The following GRM3 variants were observed in gnomAD, a reference collection of about 807,000 sequenced individuals.
GRM3 encodes glutamate metabotropic receptor 3, also known as metabotropic glutamate receptor 3.
Under a neutral mutation model 70.5 loss-of-function variants are expected in GRM3, and 26 were observed. The observed-to-expected ratio is 0.37, with a 90% CI of 0.27 to 0.51. GRM3 has a LOEUF of 0.51. Ranked by LOEUF, GRM3 falls within the 20% of genes least tolerant of loss-of-function variation. The pLI is 0.93. For missense variants in GRM3, 859 were observed against 1,123.8 expected, an observed-to-expected ratio of 0.76 and a Z score of 3.37; for synonymous variants, 443 against 434.9, an observed-to-expected ratio of 1.02 and a Z score of -0.23.
intron 3 of GRM3, among the ~76,000 whole-genome samples, chr7:86,815,242 C>T (rs1410639217): frequency 6.6e-6 from 1 of 151,706 alleles, no homozygotes; most frequent in East Asian, 1.9e-4. Flanking sequence ...CTTGCCTTCA[C>T]ATTAGGAAAA....
chr7:86,690,429 A>C (rs1018836332), intron 1 of GRM3, among the ~76,000 whole-genome samples: 2 of 152,162 alleles, frequency 1.3e-5, no homozygotes, highest in Non-Finnish European at 2.9e-5. Flanking sequence ...CTGGTTGTTA[A>C]ATAAAGAGTG....
chr7:86,810,946 A>G (rs1797897086), intron 3 of GRM3, among the ~76,000 whole-genome samples: 1 of 151,992 alleles, frequency 6.6e-6, no homozygotes, highest in Non-Finnish European at 1.5e-5. Flanking sequence ...CTACTTCATC[A>G]AAATTTCATC....
chr7:86,765,726 A>G, intron 2 of GRM3, 113 bp downstream of exon 2: 1 of 823,342 alleles, frequency 1.2e-6, no homozygotes, highest in Non-Finnish European at 1.8e-6. Context: ...TCAACAATGC[A>G]ATTATTAATT....
At chr7:86,730,631 C>A (rs78754092) in intron 1 of GRM3, among the ~76,000 whole-genome samples, 2 of 152,146 alleles carry the variant, frequency 1.3e-5, no homozygotes, top group Non-Finnish European at 2.9e-5. Flanking sequence ...AAAATAATTA[C>A]GTAACAATTA....
At chr7:86,813,487 G>A (rs534751797) in intron 3 of GRM3, among the ~76,000 whole-genome samples, 2 of 151,938 alleles carry the variant, frequency 1.3e-5, no homozygotes, top group African/African-American at 4.8e-5. Context: ...AACAGCAGTT[G>A]AATTTTTAAT....
chr7:86,692,195 C>T (rs560590770), intron 1 of GRM3, among the ~76,000 whole-genome samples: 1 of 152,278 alleles, frequency 6.6e-6, no homozygotes, highest in East Asian at 1.9e-4. Flanking sequence ...ATACTTTGGG[C>T]TTGTTTCCAA....
chr7:86,696,078 C>T (rs1332738459), intron 1 of GRM3, among the ~76,000 whole-genome samples: 1 of 152,152 alleles, frequency 6.6e-6, no homozygotes, highest in Non-Finnish European at 1.5e-5. Context: ...AAGTTAATTC[C>T]TGGCCTTCTA....
intron 1 of GRM3, among the ~76,000 whole-genome samples, chr7:86,739,703 A>G (rs567172483): frequency 1.3e-5 from 2 of 152,338 alleles, no homozygotes; most frequent in East Asian, 1.9e-4. Context: ...GGTGATTCTA[A>G]TCATGCTTAA....
intron 5 of GRM3, among the ~76,000 whole-genome samples, chr7:86,857,756 T>C (rs1158913636): frequency 6.6e-6 from 1 of 152,122 alleles, no homozygotes; most frequent in Admixed American, 6.6e-5. Flanking sequence ...TCTGAAAACA[T>C]ATTTTGATAG....
At chr7:86,768,249 T>C (rs1562854889) in intron 2 of GRM3, among the ~76,000 whole-genome samples, 1 of 152,164 alleles carries the variant, frequency 6.6e-6, no homozygotes, top group East Asian at 1.9e-4. Flanking sequence ...ATGGTAACCT[T>C]ATGTCCCTAA....
chr7:86,752,801 G>T (rs373504943), intron 1 of GRM3, among the ~76,000 whole-genome samples: 3 of 152,020 alleles, frequency 2.0e-5, no homozygotes, highest in East Asian at 3.9e-4. Flanking sequence ...GACATTAGGG[G>T]TCAGTTAATG....
intron 3 of GRM3, among the ~76,000 whole-genome samples, chr7:86,809,157 G>T (rs907964448): frequency 1.1e-4 from 16 of 152,126 alleles, no homozygotes; most frequent in African/African-American, 3.6e-4. Flanking sequence ...ATGTTTTAAA[G>T]TCTCCAAGCC....
chr7:86,784,923 T>C (rs1411535624), intron 2 of GRM3, among the ~76,000 whole-genome samples: 2 of 152,236 alleles, frequency 1.3e-5, no homozygotes, highest in Non-Finnish European at 2.9e-5. Flanking sequence ...TCCAAGAACA[T>C]GCTGTGTAGC....
intron 1 of GRM3, among the ~76,000 whole-genome samples, chr7:86,736,228 G>C (rs1299456705): frequency 6.6e-6 from 1 of 152,150 alleles, no homozygotes; most frequent in Non-Finnish European, 1.5e-5. Flanking sequence ...CTCATGGGAA[G>C]GCAGGTAGGC....
At chr7:86,711,791 T>C (rs184284651) in intron 1 of GRM3, among the ~76,000 whole-genome samples, 1 of 152,212 alleles carries the variant, frequency 6.6e-6, no homozygotes, top group Non-Finnish European at 1.5e-5. Context: ...ATTACACATA[T>C]AATTCCCCAA....
chr7:86,738,351 T>G (rs1406073603), intron 1 of GRM3, among the ~76,000 whole-genome samples: 4 of 152,152 alleles, frequency 2.6e-5, no homozygotes, highest in African/African-American at 9.7e-5. Flanking sequence ...AATGGCATAT[T>G]CACAGGATTG....
chr7:86,773,305 G>A (rs931212572), intron 2 of GRM3, among the ~76,000 whole-genome samples: 3 of 151,796 alleles, frequency 2.0e-5, no homozygotes, highest in African/African-American at 7.3e-5. Flanking sequence ...ATGGTACCTT[G>A]TATACTTAGC....
At chr7:86,681,897 T>C (rs1302503381) in intron 1 of GRM3, among the ~76,000 whole-genome samples, 2 of 152,188 alleles carry the variant, frequency 1.3e-5, no homozygotes, top group African/African-American at 4.8e-5. Flanking sequence ...GATATGTGGG[T>C]GGTGTATAAT....
rs771626728 is a variant in GRM3 at position 86,787,002 on chromosome 7, T to C, written c.1210T>C (p.Leu404=). The C allele has an allele frequency of 2.4e-5, 38 of 1,613,920 alleles. No homozygotes were observed. The highest frequency in any genetic ancestry group is 3.2e-5 in the Non-Finnish European group (38 of 1,179,964). The change falls in exon 3 of 6, where the codon TTG becomes CTG. Residue 404 remains leucine, a synonymous_variant. Coordinates refer to ENST00000361669, the MANE Select transcript of GRM3 (RefSeq NM_000840.3). ...CGCGGTGTATGCCATGGCCCACGCT[T>C]TGCACAAAATGCAGCGCACCCTCTG... ...VNAVYAMAHA[L]HKMQRTLCPN...
Sources: allele counts gnomAD v4.1 joint callset (sites outside exome capture counted in the v4.1 genomes callset), GRCh38; gene constraint gnomAD v4.1.1; transcripts MANE v1.5; gene names NCBI Gene and HGNC (gene_info 2026-07-23, HGNC 2026-07-21).